HECW1: variants seen among roughly 807,000 people sequenced by gnomAD.
HECW1 encodes the protein HECT, C2 and WW domain containing E3 ubiquitin protein ligase 1, also known as E3 ubiquitin-protein ligase HECW1.
In HECW1, 61 loss-of-function variants were observed where a neutral mutation model predicts 182.3. That is an observed-to-expected ratio of 0.33 (90% CI 0.27 to 0.41). HECW1 has a LOEUF of 0.41. Among genes scored for constraint, HECW1 ranks in the 10% least tolerant of loss-of-function variants. HECW1 has a pLI of 1.00. For synonymous variants in HECW1, 859 were observed against 832.6 expected (o/e 1.03, Z -0.55); for missense variants, 1,739 against 2,108.9 (o/e 0.82, Z 3.44).
intron 2 of HECW1, among the ~76,000 whole-genome samples, chr7:43,197,229 T>C (rs1035451494): frequency 1.3e-5 from 2 of 152,116 alleles, no homozygotes; most frequent in African/African-American, 4.8e-5. Context: ...GGAAAATCTC[T>C]TCTTTTGGGG....
chr7:43,408,026 G>A (rs1319465150), intron 8 of HECW1, among the ~76,000 whole-genome samples: 1 of 152,130 alleles, frequency 6.6e-6, no homozygotes, highest in African/African-American at 2.4e-5. Flanking sequence ...TGTGGGAGAA[G>A]GAAGACAAGA....
intron 3 of HECW1, among the ~76,000 whole-genome samples, chr7:43,297,509 G>T (rs890731845): frequency 6.6e-6 from 1 of 152,184 alleles, no homozygotes; most frequent in Non-Finnish European, 1.5e-5. Context: ...GGAGAAGAGT[G>T]GTTCAGGCAC....
chr7:43,133,025 A>G (rs1330611032), intron 2 of HECW1, among the ~76,000 whole-genome samples: 2 of 152,156 alleles, frequency 1.3e-5, no homozygotes, highest in South Asian at 2.1e-4. Flanking sequence ...TGTTTTAATC[A>G]TGTCTAAACA....
intron 12 of HECW1, among the ~76,000 whole-genome samples, chr7:43,451,782 G>C (rs1042154876): frequency 6.6e-6 from 1 of 152,026 alleles, no homozygotes; most frequent in Non-Finnish European, 1.5e-5. Context: ...TCTCTGTTTT[G>C]GTTTTGCTTA....
At chr7:43,211,995 A>G (rs1796046625) in intron 2 of HECW1, among the ~76,000 whole-genome samples, 1 of 152,208 alleles carries the variant, frequency 6.6e-6, no homozygotes, top group South Asian at 2.1e-4. Flanking sequence ...GGAGACTTAC[A>G]GGAGAACAAG....
intron 3 of HECW1, among the ~76,000 whole-genome samples, chr7:43,306,602 G>A (rs1442366787): frequency 6.6e-6 from 1 of 151,926 alleles, no homozygotes; most frequent in African/African-American, 2.4e-5. Flanking sequence ...TACAATTTTT[G>A]ATTCCTTGGT....
intron 2 of HECW1, among the ~76,000 whole-genome samples, chr7:43,125,251 C>T (rs1282609699): frequency 3.3e-5 from 5 of 152,038 alleles, no homozygotes; most frequent in African/African-American, 7.3e-5. Flanking sequence ...TTCCAACATG[C>T]GAATTTGAGG....
rs149184549 is a variant in HECW1, at chr7:43,436,838, A to G, written c.802-1165A>G. ...TATTTTAAAAGTCACACCATACACT[A>G]TTTAACAAACAAGTACTTTTTAAAA... On this transcript the variant is annotated intron_variant, in intron 8 of 29. Coordinates refer to ENST00000395891, the MANE Select transcript of HECW1 (RefSeq NM_015052.5). Among the ~76,000 whole-genome samples the G allele has an allele frequency of 4.9e-3, 742 of 152,226 alleles. 2 individuals are homozygous for G. The highest frequency in any genetic ancestry group is 0.017 in the African/African-American group (720 of 41,534).
intron 2 of HECW1, among the ~76,000 whole-genome samples, chr7:43,198,450 C>A (rs200362403): frequency 2.0e-5 from 3 of 149,848 alleles, no homozygotes; most frequent in Non-Finnish European, 3.0e-5. Flanking sequence ...CACTCACCCA[C>A]CCTAACACGT....
At chr7:43,359,306 A>G (rs1372321973) in intron 5 of HECW1, among the ~76,000 whole-genome samples, 1 of 152,230 alleles carries the variant, frequency 6.6e-6, no homozygotes, top group African/African-American at 2.4e-5. Context: ...TTAGCTGGAC[A>G]TTATCAATCA....
At chr7:43,334,061 A>G (rs935771530) in intron 5 of HECW1, among the ~76,000 whole-genome samples, 2 of 152,172 alleles carry the variant, frequency 1.3e-5, no homozygotes, top group East Asian at 3.9e-4. Flanking sequence ...CTCTCTTTTA[A>G]CCTATTGAGT....
chr7:43,526,754 A>T (rs1270827771), intron 24 of HECW1, among the ~76,000 whole-genome samples: 4 of 152,196 alleles, frequency 2.6e-5, no homozygotes, highest in Non-Finnish European at 5.9e-5. Context: ...TAATCCCAAC[A>T]CTTTGGGAGG....
intron 22 of HECW1, 24 bp downstream of exon 22, chr7:43,507,281 T>C (rs767128032): frequency 1.1e-4 from 170 of 1,608,952 alleles, no homozygotes; most frequent in Middle Eastern, 6.6e-4. Context: ...TGCTTGGCAC[T>C]GAATTCAGAC....
intron 2 of HECW1, among the ~76,000 whole-genome samples, chr7:43,212,052 ACCCAT>A (rs1796049804): frequency 6.6e-6 from 1 of 152,130 alleles, no homozygotes; most frequent in Non-Finnish European, 1.5e-5. Context: ...AACAACCCCT[ACCCAT>A]ATTTCAATGT....
At chr7:43,369,315 G>C (rs888545240) in intron 6 of HECW1, among the ~76,000 whole-genome samples, 1 of 152,066 alleles carries the variant, frequency 6.6e-6, no homozygotes, top group Non-Finnish European at 1.5e-5. Flanking sequence ...AAAATTTGCC[G>C]GGTGTGGTGG....
At chr7:43,525,780 A>G (rs2080733126) in intron 24 of HECW1, among the ~76,000 whole-genome samples, 1 of 152,178 alleles carries the variant, frequency 6.6e-6, no homozygotes. Flanking sequence ...GAAGTGTGTG[A>G]TGTAATCCAG....
At chr7:43,125,283 A>C (rs2152610456) in intron 2 of HECW1, among the ~76,000 whole-genome samples, 1 of 152,268 alleles carries the variant, frequency 6.6e-6, no homozygotes, top group Middle Eastern at 3.4e-3. Flanking sequence ...TCAGTCTCTA[A>C]CAGAGGATTT....
chr7:43,473,871 G>A (rs2078116966), intron 16 of HECW1, among the ~76,000 whole-genome samples: 1 of 152,008 alleles, frequency 6.6e-6, no homozygotes, highest in African/African-American at 2.4e-5. Context: ...AAATTGCAAA[G>A]AAGATGGAAA....
chr7:43,451,312 T>C (rs2077228267), intron 12 of HECW1, among the ~76,000 whole-genome samples: 1 of 152,238 alleles, frequency 6.6e-6, no homozygotes, highest in Non-Finnish European at 1.5e-5. Context: ...CTCCATTGGA[T>C]CTGTTACGTC....
Sources: allele counts gnomAD v4.1 joint callset (sites outside exome capture counted in the v4.1 genomes callset), GRCh38; gene constraint gnomAD v4.1.1; transcripts MANE v1.5; gene names NCBI Gene and HGNC (gene_info 2026-07-23, HGNC 2026-07-21).